Variants in FOCAD observed in about 807,000 individuals in gnomAD.
FOCAD encodes KIAA1797.
Under a neutral mutation model 225.6 loss-of-function variants are expected in FOCAD, and 198 were observed. The ratio of observed to expected loss-of-function variants is 0.88; its 90% CI spans 0.78 to 0.99. FOCAD has a LOEUF of 0.99. Among genes scored for constraint, FOCAD ranks in the 50% least tolerant of loss-of-function variants. The pLI is 0.00. For missense variants in FOCAD, 2,713 were observed against 2,123.6 expected, an observed-to-expected ratio of 1.28 and a Z score of -5.46; for synonymous variants, 897 against 755.0, an observed-to-expected ratio of 1.19 and a Z score of -3.08.
chr9:20,949,762 C>T (rs1587700098), intron 33 of FOCAD, 87 bp downstream of exon 33: 2 of 1,148,696 alleles, frequency 1.7e-6, no homozygotes, highest in Non-Finnish European at 1.3e-6. Context: ...ACATGTTTTA[C>T]CTGGAAAATG....
chr9:20,676,890 A>G (rs76717561), intron 2 of FOCAD, among the ~76,000 whole-genome samples: 5,701 of 152,320 alleles, frequency 0.037, 133 homozygotes, highest in Middle Eastern at 0.12. Flanking sequence ...AAAAAACAAC[A>G]TAAAATTTAT....
intron 2 of FOCAD, among the ~76,000 whole-genome samples, chr9:20,665,758 CG>C (rs1821881303): frequency 6.6e-6 from 1 of 152,008 alleles, no homozygotes; most frequent in Non-Finnish European, 1.5e-5. Flanking sequence ...TGGCTGGGCA[CG>C]GTGGCTCACG....
chr9:20,957,874 C>G (rs961224063), intron 35 of FOCAD, among the ~76,000 whole-genome samples: 27 of 151,890 alleles, frequency 1.8e-4, no homozygotes, highest in African/African-American at 6.5e-4. Flanking sequence ...CAGATAAATT[C>G]TCAGTAATGT....
intron 9 of FOCAD, among the ~76,000 whole-genome samples, chr9:20,780,807 A>G (rs1196565600): frequency 3.3e-5 from 5 of 152,224 alleles, no homozygotes; most frequent in East Asian, 1.9e-4. Flanking sequence ...ATAATATCTC[A>G]GAAACAATTA....
intron 1 of FOCAD, among the ~76,000 whole-genome samples, chr9:20,695,378 G>T (rs1823278535): frequency 6.6e-6 from 1 of 152,064 alleles, no homozygotes; most frequent in Non-Finnish European, 1.5e-5. Context: ...AATATTTTTA[G>T]CCACAGTTGA....
At chr9:20,697,816 G>C (rs1411608183) in intron 1 of FOCAD, among the ~76,000 whole-genome samples, 1 of 152,242 alleles carries the variant, frequency 6.6e-6, no homozygotes, top group African/African-American at 2.4e-5. Context: ...TGAGACTGGA[G>C]GATGTTGAAC....
chr9:20,783,232 ACTTTCT>A (rs1587144482), intron 10 of FOCAD, among the ~76,000 whole-genome samples: 1 of 152,170 alleles, frequency 6.6e-6, no homozygotes, highest in African/African-American at 2.4e-5. Context: ...TAATATCTGG[ACTTTCT>A]CTTTAGCAGC....
chr9:20,898,252 C>T (rs534191747), intron 21 of FOCAD, among the ~76,000 whole-genome samples: 1 of 151,722 alleles, frequency 6.6e-6, no homozygotes, highest in African/African-American at 2.4e-5. Flanking sequence ...GTCTGAGCCT[C>T]CTATAACTGT....
At chr9:20,896,510 G>T (rs1347718319) in intron 21 of FOCAD, among the ~76,000 whole-genome samples, 1 of 151,790 alleles carries the variant, frequency 6.6e-6, no homozygotes, top group Non-Finnish European at 1.5e-5. Context: ...GTGTTGGAAG[G>T]TTATTAATTG....
intron 22 of FOCAD, among the ~76,000 whole-genome samples, chr9:20,911,189 A>G (rs1449613199): frequency 2.0e-5 from 3 of 152,210 alleles, no homozygotes; most frequent in Middle Eastern, 6.8e-3. Context: ...CCAAGAAACA[A>G]AGGGGAGAAT....
chr9:20,937,834 A>T (rs1836156863), intron 28 of FOCAD, among the ~76,000 whole-genome samples: 1 of 152,352 alleles, frequency 6.6e-6, no homozygotes, highest in Admixed American at 6.5e-5. Flanking sequence ...TACTCATCTG[A>T]CAAAAGGCTA....
At chr9:20,805,463 G>A (rs1376081306) in intron 11 of FOCAD, among the ~76,000 whole-genome samples, 1 of 152,214 alleles carries the variant, frequency 6.6e-6, no homozygotes, top group Middle Eastern at 3.4e-3. Context: ...ATTTGTTTTT[G>A]TGGGGACTAG....
chr9:20,770,273 T>G, intron 8 of FOCAD, 35 bp downstream of exon 8: 1 of 1,550,690 alleles, frequency 6.4e-7, no homozygotes, highest in Non-Finnish European at 8.9e-7. Context: ...GTTCATGCAT[T>G]GCTATTAAGA....
At chr9:20,778,976 G>T (rs1332725227) in intron 9 of FOCAD, among the ~76,000 whole-genome samples, 1 of 152,138 alleles carries the variant, frequency 6.6e-6, no homozygotes, top group Middle Eastern at 3.2e-3. Context: ...TATCTCGGCT[G>T]CATGTTAGAG....
At chr9:20,745,415 C>T (rs953794276) in intron 5 of FOCAD, among the ~76,000 whole-genome samples, 2 of 152,012 alleles carry the variant, frequency 1.3e-5, no homozygotes, top group Admixed American at 6.6e-5. Context: ...TAATATTGAT[C>T]GTGCAGGAAG....
intron 5 of FOCAD, among the ~76,000 whole-genome samples, chr9:20,743,965 T>C (rs1164216998): frequency 1.3e-5 from 2 of 152,172 alleles, no homozygotes; most frequent in Non-Finnish European, 2.9e-5. Flanking sequence ...CAAGTTTGTC[T>C]TACATGTGTC....
In FOCAD at chr9:20,951,114, T is replaced by C; in HGVS notation, c.4051+16T>C. 6.3e-7 allele frequency: 1 copy of C among 1,593,710 alleles called. No homozygotes were observed. The highest frequency in any genetic ancestry group is 8.6e-7 in the Non-Finnish European group (1 of 1,161,648). On this transcript the variant is annotated intron_variant, in intron 34 of 43. Coordinates refer to ENST00000338382, the MANE Select transcript of FOCAD (RefSeq NM_001375567.1). ...AGAGCCTCTGGTAAGATTAAAGTCA[T>C]AAAATACTGGAGCTGGAAGGGAGGG...
chr9:20,808,880 T>C (rs1316305627), intron 11 of FOCAD, among the ~76,000 whole-genome samples: 1 of 152,192 alleles, frequency 6.6e-6, no homozygotes, highest in Non-Finnish European at 1.5e-5. Context: ...TAATTTTTAG[T>C]AAAATAACAT....
At chr9:20,717,291 A>C (rs1825414718) in intron 2 of FOCAD, among the ~76,000 whole-genome samples, 1 of 152,234 alleles carries the variant, frequency 6.6e-6, no homozygotes, top group East Asian at 1.9e-4. Context: ...TCCCAAGTGC[A>C]GGATGGACAG....
Sources: gnomAD v4.1 joint callset for allele counts (sites outside exome capture counted in the v4.1 genomes callset) on GRCh38, gnomAD v4.1.1 for gene constraint, MANE v1.5 for transcripts, NCBI Gene and HGNC (gene_info 2026-07-23, HGNC 2026-07-21) for gene names.